Variants in TCF3 observed in about 807,000 individuals in gnomAD.
The protein encoded by TCF3 is transcription factor E2-alpha.
A neutral mutation model predicts 72.3 loss-of-function variants in TCF3; 54 were observed. That is an observed-to-expected ratio of 0.75 (90% CI 0.60 to 0.94). The LOEUF is 0.94. Among genes scored for constraint, TCF3 ranks in the 40% least tolerant of loss-of-function variants. TCF3 has a pLI of 0.00. For synonymous variants in TCF3, 525 were observed against 412.6 expected, an observed-to-expected ratio of 1.27 and a Z score of -3.30; for missense variants, 1,078 against 934.4, an observed-to-expected ratio of 1.15 and a Z score of -2.00.
chr19:1,627,242 G>C, intron 6 of TCF3, 117 bp downstream of exon 6: 2 of 545,402 alleles, frequency 3.7e-6, no homozygotes, highest in Non-Finnish European at 5.5e-6. Context: ...GCCTGGTTTC[G>C]CTATCAGGAA....
At chr19:1,637,060 G>A (rs879303648) in intron 3 of TCF3, among the ~76,000 whole-genome samples, 34 of 151,788 alleles carry the variant, frequency 2.2e-4, no homozygotes, top group Non-Finnish European at 3.4e-4. Context: ...AACCGGGGAC[G>A]CCTCGCAACC....
intron 3 of TCF3, among the ~76,000 whole-genome samples, chr19:1,646,054 C>T (rs539331743): frequency 1.3e-5 from 2 of 152,266 alleles, no homozygotes; most frequent in Middle Eastern, 3.4e-3. Context: ...CACCCACACA[C>T]AGGCCCAGCT....
At chr19:1,627,127 T>TCC (rs1238204524) in intron 6 of TCF3, among the ~76,000 whole-genome samples, 1 of 152,096 alleles carries the variant, frequency 6.6e-6, no homozygotes, top group African/African-American at 2.4e-5. Flanking sequence ...ACCGAGCCCC[T>TCC]CCAGCTAAGC....
Position 1,632,314 on chromosome 19 carries a change from C to A in TCF3, c.219+18G>T, listed in dbSNP as rs771333876. 15 of 1,573,304 alleles carry A rather than the reference C, an allele frequency of 9.5e-6. No homozygotes were observed. The highest frequency in any genetic ancestry group is 2.7e-5 in the African/African-American group (2 of 74,172). On this transcript the variant is annotated intron_variant, in intron 4 of 18. Coordinates refer to ENST00000262965, the MANE Select transcript of TCF3 (RefSeq NM_003200.5). ...GGGACAGGAAACTCAGGGTCTCAGG[C>A]CTCACGGGGACTCCTACCCGGCTGG... is the stretch of plus-strand genomic sequence containing the variant.
intron 5 of TCF3, among the ~76,000 whole-genome samples, chr19:1,629,619 G>A (rs1216542298): frequency 6.6e-6 from 1 of 152,130 alleles, no homozygotes; most frequent in Admixed American, 6.5e-5. Context: ...TGGGGCTGAT[G>A]CGGTGACACC....
intron 3 of TCF3, among the ~76,000 whole-genome samples, chr19:1,642,189 G>A (rs1040189857): frequency 3.5e-4 from 49 of 140,550 alleles, no homozygotes; most frequent in Non-Finnish European, 1.7e-4. Flanking sequence ...CACGCACGCA[G>A]ACACAGACGC....
chr19:1,629,044 TGA>T (rs1393693592), intron 5 of TCF3, among the ~76,000 whole-genome samples: 1 of 21,038 alleles, frequency 4.8e-5, no homozygotes, highest in Admixed American at 5.7e-4. Context: ...GCTCACGGGG[TGA>T]GGCGGGAAGG....
chr19:1,646,326 C>T (rs959220097), intron 3 of TCF3, 29 bp downstream of exon 3: 19 of 1,548,574 alleles, frequency 1.2e-5, no homozygotes, highest in African/African-American at 1.4e-5. Context: ...CCTCACTCCA[C>T]GAGCGCTGGC....
rs373836221 is a variant in TCF3 at position 1,611,678 on chromosome 19, G to A, written c.*29C>T. On this transcript the variant is annotated 3_prime_UTR_variant, in exon 19 of 19. Coordinates refer to ENST00000262965, the MANE Select transcript of TCF3 (RefSeq NM_003200.5). The stretch of plus-strand genomic sequence containing the variant: ...GGGGCCAGAGCACAGGGCTGAAAGC[G>A]GGTGGCTCGTCCCACGGAGGCATAC... 6.2e-5 allele frequency: 100 copies of A among 1,601,662 alleles called. No individual in the cohort carries two copies. In the East Asian group the frequency reaches 1.6e-3, roughly 25 times the overall value.
At position 1,609,689 on chromosome 19, in the gene TCF3, G is replaced by A. The variant is rs2060854342; in HGVS notation, c.*2018C>T. ...AGGGCGTAGGGGAAGCCACCGAGAA[G>A]GGAGAGGCAGCCGGACAGCCCCTCC... On this transcript the variant is annotated 3_prime_UTR_variant, in exon 19 of 19. Coordinates refer to ENST00000262965, the MANE Select transcript of TCF3 (RefSeq NM_003200.5). 1 of 227,624 alleles carries A rather than the reference G, an allele frequency of 4.4e-6. No individual in the cohort carries two copies. The highest frequency in any genetic ancestry group is 1.8e-4 in the South Asian group (1 of 5,480). 14.1% of individuals were successfully genotyped at this position (227,624 alleles called of 1,614,324 possible). A position where few individuals can be genotyped will look rare whatever the true frequency, so the allele number is the denominator to read the frequency against.
At chr19:1,618,611 G>T (rs1215205711) in intron 16 of TCF3, among the ~76,000 whole-genome samples, 4 of 151,766 alleles carry the variant, frequency 2.6e-5, no homozygotes, top group African/African-American at 9.7e-5. Context: ...TGCCTGGGCT[G>T]CGCCCTCTGC....
rs552352319 is a variant in TCF3, at chr19:1,635,910, G to C, written c.146-3505C>G. On this transcript the variant is annotated intron_variant, in intron 3 of 18. Coordinates refer to ENST00000262965, the MANE Select transcript of TCF3 (RefSeq NM_003200.5). ...GTTCCGTTTACTCGGGAGTAGGAGC[G>C]GGCCACCCGATACAGGGTCACTATG... 7.2e-5 allele frequency among the ~76,000 whole-genome samples: 11 copies of C among 152,168 alleles called. No homozygotes were observed. In the East Asian group the frequency reaches 9.6e-4, roughly 13 times the overall value.
chr19:1,621,915 A>G lies in TCF3; in HGVS notation c.878T>C (p.Phe293Ser), dbSNP rs141542090. 1.3e-4 allele frequency: 204 copies of G among 1,603,082 alleles called. No individual in the cohort carries two copies. The highest frequency in any genetic ancestry group is 8.3e-4 in the Middle Eastern group (5 of 6,020). The stretch of plus-strand genomic sequence containing the variant: ...GTACGTGGCTCCGGGGGCTGAGGAG[A>G]AGGAGGATGCAGATGGGAGCCCACC... ...VNGGLPSASS[F>S]SSAPGATYGG... The change falls in exon 11 of 19, where the codon TTC (phenylalanine) becomes TCC (serine). Residue 293 changes from phenylalanine (F) to serine (S), a missense_variant. Transcript: ENST00000262965.
chr19:1,634,543 T>C (rs1599865205), intron 3 of TCF3, among the ~76,000 whole-genome samples: 1 of 152,012 alleles, frequency 6.6e-6, no homozygotes, highest in East Asian at 1.9e-4. Context: ...TGGGCTGCCG[T>C]GAGGATAACA....
At chr19:1,617,506 C>T (rs1297496170) in intron 16 of TCF3, among the ~76,000 whole-genome samples, 1 of 152,262 alleles carries the variant, frequency 6.6e-6, no homozygotes, top group African/African-American at 2.4e-5. Context: ...CTGGGCCACC[C>T]CCAAAACCCG....
intron 2 of TCF3, among the ~76,000 whole-genome samples, chr19:1,649,474 A>G (rs1384453402): frequency 6.6e-6 from 1 of 152,118 alleles, no homozygotes; most frequent in Non-Finnish European, 1.5e-5. Flanking sequence ...CAGTGGCGCA[A>G]TCACAGCTCA....
At chr19:1,651,730 G>A (rs993961915) in intron 1 of TCF3, among the ~76,000 whole-genome samples, 1 of 151,902 alleles carries the variant, frequency 6.6e-6, no homozygotes, top group African/African-American at 2.4e-5. Context: ...TGCGGCCCGG[G>A]AGCCTTTGAA....
chr19:1,646,227 C>G, intron 3 of TCF3, 128 bp downstream of exon 3: 1 of 1,038,222 alleles, frequency 9.6e-7, no homozygotes, highest in Non-Finnish European at 1.4e-6. Context: ...GCCCCCGACC[C>G]GGCCTGTGTG....
intron 5 of TCF3, among the ~76,000 whole-genome samples, chr19:1,630,945 C>T (rs1047048364): frequency 6.6e-6 from 1 of 152,254 alleles, no homozygotes; most frequent in African/African-American, 2.4e-5. Context: ...CTGTCCCAGT[C>T]GCAGCCCCAG....
Sources: gnomAD v4.1 joint callset for allele counts (sites outside exome capture counted in the v4.1 genomes callset) on GRCh38, gnomAD v4.1.1 for gene constraint, MANE v1.5 for transcripts, NCBI Gene and HGNC (gene_info 2026-07-23, HGNC 2026-07-21) for gene names.